VPS54: variants seen among roughly 807,000 people sequenced by gnomAD.
The protein encoded by VPS54 is vacuolar protein sorting-associated protein 54.
A neutral mutation model predicts 121.5 loss-of-function variants in VPS54; 45 were observed. That is an observed-to-expected ratio of 0.37 (90% confidence interval 0.29 to 0.47). The LOEUF (loss-of-function observed/expected upper bound fraction) is 0.47, where lower values mean the gene tolerates loss of function less well. Ranked by LOEUF, VPS54 falls within the 20% of genes least tolerant of loss-of-function variation. The pLI, the probability that VPS54 is intolerant of heterozygous loss-of-function variation, is 0.99. For missense variants in VPS54, 1,090 were observed against 1,131.4 expected, an observed-to-expected ratio of 0.96 and a Z score of 0.52; for synonymous variants, 371 against 385.8, an observed-to-expected ratio of 0.96 and a Z score of 0.45.
intron 1 of VPS54, among the ~76,000 whole-genome samples, chr2:63,990,495 C>T (rs1481948504): frequency 6.6e-6 from 1 of 152,116 alleles, no homozygotes; most frequent in Non-Finnish European, 1.5e-5. Context: ...CAACCGGTCA[C>T]TTTGCCATCC....
chr2:63,942,345 A>G lies in VPS54; in HGVS notation c.1398+120T>C, dbSNP rs531568736. 106 of 681,402 alleles carry G rather than the reference A, an allele frequency of 1.6e-4. 2 individuals are homozygous for G. In the South Asian group the frequency reaches 3.9e-3, roughly 25 times the overall value. 42.2% of individuals were successfully genotyped at this position (681,402 alleles called of 1,614,324 possible). On this transcript the variant is annotated intron_variant, in intron 11 of 22. Coordinates refer to ENST00000272322, the MANE Select transcript of VPS54 (RefSeq NM_016516.3). ...TATTTAAAAACAAGCCTCTTTAGAA[A>G]AATTACAAAAACAAAGAAACTGTGT...
chr2:63,942,358 A>T, intron 11 of VPS54, 107 bp downstream of exon 11: 1 of 783,212 alleles, frequency 1.3e-6, no homozygotes, highest in Non-Finnish European at 1.8e-6. Flanking sequence ...TTACAAAAAC[A>T]AAGAAACTGT....
intron 12 of VPS54, among the ~76,000 whole-genome samples, chr2:63,923,589 C>T (rs1258131238): frequency 6.6e-6 from 1 of 152,098 alleles, no homozygotes; most frequent in Non-Finnish European, 1.5e-5. Context: ...GTATATATCA[C>T]ATACATGTGA....
intron 12 of VPS54, among the ~76,000 whole-genome samples, chr2:63,929,646 G>C (rs1575921035): frequency 1.3e-5 from 2 of 151,392 alleles, no homozygotes; most frequent in African/African-American, 4.9e-5. Context: ...GCTAGCAGAA[G>C]GCAAGAAATA....
At chr2:63,977,328 T>G (rs182244322) in intron 3 of VPS54, among the ~76,000 whole-genome samples, 251 of 152,322 alleles carry the variant, frequency 1.6e-3, no homozygotes, top group Non-Finnish European at 2.3e-3. Context: ...GGTAGAAGCT[T>G]GGATTATTAA....
In VPS54 at chr2:63,983,725, A is replaced by T. The variant is rs1676908018; in HGVS notation, c.136+139T>A. 5.4e-6 allele frequency: 6 copies of T among 1,104,338 alleles called. No individual in the cohort carries two copies. In the East Asian group the frequency reaches 1.1e-4, roughly 19 times the overall value. 68.4% of individuals were successfully genotyped at this position (1,104,338 alleles called of 1,614,324 possible). A position where few individuals can be genotyped will look rare whatever the true frequency, so the allele number is the denominator to read the frequency against. On this transcript the variant is annotated intron_variant, in intron 2 of 22. Coordinates refer to ENST00000272322, the MANE Select transcript of VPS54 (RefSeq NM_016516.3). ...CCAAAGTGCTGGGATTACAGGCGTG[A>T]GCCACCGTGCCCGGCCCCCCCAAAT... is the stretch of plus-strand genomic sequence containing the variant.
intron 20 of VPS54, among the ~76,000 whole-genome samples, chr2:63,908,796 T>A (rs1194911226): frequency 5.3e-5 from 8 of 152,214 alleles, no homozygotes. Context: ...AATACAACTG[T>A]ATGAAGTAGG....
intron 20 of VPS54, among the ~76,000 whole-genome samples, chr2:63,908,588 T>C (rs775074839): frequency 6.6e-6 from 1 of 152,210 alleles, no homozygotes; most frequent in Non-Finnish European, 1.5e-5. Context: ...AGTTTTCTAC[T>C]GGTAGTCACA....
intron 3 of VPS54, 79 bp downstream of exon 3, chr2:63,981,567 C>CA: frequency 2.1e-6 from 3 of 1,463,354 alleles, no homozygotes; most frequent in Non-Finnish European, 2.7e-6. Flanking sequence ...CATTACTGGT[C>CA]AAAAATCTAT....
intron 1 of VPS54, among the ~76,000 whole-genome samples, chr2:64,005,088 T>G (rs899995670): frequency 8.1e-6 from 1 of 123,944 alleles, no homozygotes; most frequent in African/African-American, 3.3e-5. Flanking sequence ...TACTATTGCT[T>G]CTTTTTTTTT....
Position 63,934,152 on chromosome 2 carries a change from G to C in VPS54, c.1399-139C>G, listed in dbSNP as rs552048485. On this transcript the variant is annotated intron_variant, in intron 11 of 22. Coordinates refer to ENST00000272322, the MANE Select transcript of VPS54 (RefSeq NM_016516.3). ...AGTCATGTATATCAGAATTTCTACC[G>C]ATCTTTTATTACATAGGAAAAGTGA... 3.9e-5 allele frequency: 28 copies of C among 718,596 alleles called. No individual in the cohort carries two copies. The East Asian group carries it at 4.7e-4, about 12-fold the overall frequency. 44.5% of individuals were successfully genotyped at this position (718,596 alleles called of 1,614,324 possible).
rs568750328 is a variant in VPS54 at position 63,976,947 on chromosome 2, G to A, written c.378+4699C>T. 8.1e-5 allele frequency among the ~76,000 whole-genome samples: 12 copies of A among 148,424 alleles called. No individual in the cohort carries two copies. The South Asian group carries it at 2.4e-3, about 29-fold the overall frequency. On this transcript the variant is annotated intron_variant, in intron 3 of 22. Transcript: ENST00000272322. ...AGGTTCACGTGATTCTCTTGCCTCA[G>A]CCTCCCAAGTAGCTGGGATGACAGG... is the stretch of plus-strand genomic sequence containing the variant.
chr2:63,988,998 C>T (rs1226695166), intron 1 of VPS54, among the ~76,000 whole-genome samples: 4 of 152,122 alleles, frequency 2.6e-5, no homozygotes, highest in Admixed American at 6.5e-5. Context: ...AATGCATTCT[C>T]GGCCGGGAAG....
At chr2:64,014,639 T>G (rs1678595411) in intron 1 of VPS54, among the ~76,000 whole-genome samples, 1 of 152,252 alleles carries the variant, frequency 6.6e-6, no homozygotes, top group African/African-American at 2.4e-5. Context: ...TCTACATTCC[T>G]GCCTTTGACA....
chr2:63,898,171 T>C (rs1369831361), intron 21 of VPS54, among the ~76,000 whole-genome samples: 1 of 152,196 alleles, frequency 6.6e-6, no homozygotes, highest in East Asian at 1.9e-4. Context: ...TTGCCCAGCA[T>C]TGACAAGAGT....
At chr2:63,918,225 A>G (rs1673476182) in intron 15 of VPS54, among the ~76,000 whole-genome samples, 1 of 152,066 alleles carries the variant, frequency 6.6e-6, no homozygotes, top group Non-Finnish European at 1.5e-5. Flanking sequence ...AATATCCTCC[A>G]AAGAAGTGAA....
intron 7 of VPS54, among the ~76,000 whole-genome samples, chr2:63,958,166 A>G (rs1675587786): frequency 1.3e-5 from 2 of 152,214 alleles, no homozygotes; most frequent in Non-Finnish European, 2.9e-5. Context: ...AGCCCAATAG[A>G]AAGATTTAAA....
chr2:63,968,764 CAGAA>C (rs1388155800), intron 5 of VPS54, among the ~76,000 whole-genome samples, 189 bp downstream of exon 5: 2 of 139,208 alleles, frequency 1.4e-5, no homozygotes, highest in Non-Finnish European at 3.1e-5. Flanking sequence ...GAAAGAAAGA[CAGAA>C]AAGACAGAAG....
intron 20 of VPS54, among the ~76,000 whole-genome samples, chr2:63,901,886 A>T (rs973842200): frequency 6.6e-6 from 1 of 152,148 alleles, no homozygotes; most frequent in Non-Finnish European, 1.5e-5. Context: ...ATGGTGGTGC[A>T]TGCCTGTAAT....
Sources: allele counts gnomAD v4.1 joint callset (sites outside exome capture counted in the v4.1 genomes callset), GRCh38; gene constraint gnomAD v4.1.1; transcripts MANE v1.5; gene names NCBI Gene and HGNC (gene_info 2026-07-23, HGNC 2026-07-21).